The following ARHGEF2 variants were observed in gnomAD, a reference collection of about 807,000 sequenced individuals.
The protein encoded by ARHGEF2 is rho guanine nucleotide exchange factor 2.
A neutral mutation model predicts 121.0 loss-of-function variants in ARHGEF2; 22 were observed. The ratio of observed to expected loss-of-function variants is 0.18; its 90% CI spans 0.13 to 0.26. ARHGEF2 has a LOEUF of 0.26. Among genes scored for constraint, ARHGEF2 ranks in the 10% least tolerant of loss-of-function variants. The pLI is 1.00. For synonymous variants in ARHGEF2, 487 were observed against 530.0 expected (o/e 0.92, Z 1.11); for missense variants, 907 against 1,336.0 (o/e 0.68, Z 5.01).
intron 1 of ARHGEF2, among the ~76,000 whole-genome samples, chr1:155,974,217 T>C (rs1680947432): frequency 6.6e-6 from 1 of 152,116 alleles, no homozygotes; most frequent in Non-Finnish European, 1.5e-5. Flanking sequence ...CTCTCAGGTA[T>C]GTCCAAATCA....
chr1:155,972,689 T>C (rs1680675350), intron 1 of ARHGEF2, among the ~76,000 whole-genome samples: 1 of 151,296 alleles, frequency 6.6e-6, no homozygotes, highest in Admixed American at 6.6e-5. Context: ...CTCTCCAGCA[T>C]CTAGATACTT....
At chr1:155,963,757 G>A (rs1678469924) in intron 7 of ARHGEF2, among the ~76,000 whole-genome samples, 2 of 151,768 alleles carry the variant, frequency 1.3e-5, no homozygotes, top group African/African-American at 2.4e-5. Context: ...CTGCAGCCTC[G>A]AACTTCTGGG....
chr1:155,969,576 C>G, intron 1 of ARHGEF2: 1 of 1,304,084 alleles, frequency 7.7e-7, no homozygotes, highest in Non-Finnish European at 9.8e-7. Flanking sequence ...CACTCATCTC[C>G]CTGGCTCTAG....
rs1394894217 is a variant in ARHGEF2, at chr1:155,950,862, G to A, written c.2670C>T (p.Gly890=). ...GGTTGAAACTCAAGTACAGGGCATC[G>A]CCTGCGGGGAGGCTGCGCCGCCGAG... is the stretch of plus-strand genomic sequence containing the variant. ...VDPRRRSLPA[G]DALYLSFNPP... The change falls in exon 20 of 22, where the codon GGC becomes GGT. Residue 890 remains glycine (G), a synonymous_variant. Coordinates refer to ENST00000361247, the MANE Select transcript of ARHGEF2 (RefSeq NM_001162383.2). This position sits in a 1 kb window ranked among gnomAD's most constrained non-coding sequence, Gnocchi z 5.2. The A allele has an allele frequency of 3.9e-6, 6 of 1,543,300 alleles. No individual in the cohort carries two copies. The highest frequency in any genetic ancestry group is 2.0e-5 in the Admixed American group (1 of 49,260).
intron 4 of ARHGEF2, 52 bp downstream of exon 4, chr1:155,966,361 GAGC>G: frequency 6.4e-7 from 1 of 1,573,460 alleles, no homozygotes. Context: ...CCCATGGGTT[GAGC>G]AGCCTGGGGT....
At position 155,974,821 on chromosome 1, in the gene ARHGEF2, C is replaced by G. The variant is rs546542493; in HGVS notation, c.63+3544G>C. On this transcript the variant is annotated intron_variant, in intron 1 of 21. Coordinates refer to ENST00000361247, the MANE Select transcript of ARHGEF2 (RefSeq NM_001162383.2). ...CTGCCCCCTACGCGGCCACACCTGTCAGGCCAGGAGAGAGAGACAAGCAGA... is the reference window on the plus strand; with the variant it reads ...CTGCCCCCTACGCGGCCACACCTGTGAGGCCAGGAGAGAGAGACAAGCAGA... Among the ~76,000 whole-genome samples the G allele has an allele frequency of 1.3e-4, 20 of 150,238 alleles. No individual in the cohort carries two copies. The East Asian group carries it at 3.3e-3, about 25-fold the overall frequency.
chr1:155,976,985 A>G (rs1343107935), intron 1 of ARHGEF2, among the ~76,000 whole-genome samples: 1 of 152,098 alleles, frequency 6.6e-6, no homozygotes, highest in Non-Finnish European at 1.5e-5. Flanking sequence ...CCCCCAACCC[A>G]GGATGGAACC....
intron 11 of ARHGEF2, among the ~76,000 whole-genome samples, chr1:155,959,509 A>C (rs1269168002): frequency 6.7e-6 from 1 of 149,978 alleles, no homozygotes; most frequent in Non-Finnish European, 1.5e-5. Context: ...TGGCCTGCCG[A>C]AGTGCTGGGA....
chr1:155,970,276 G>C, intron 1 of ARHGEF2: 1 of 985,462 alleles, frequency 1.0e-6, no homozygotes, highest in Non-Finnish European at 1.2e-6. Flanking sequence ...CATCTCTGCT[G>C]TCTCCCATTT....
At chr1:155,979,272 G>A (rs1036514012), upstream of ARHGEF2, 12 of 985,204 alleles carry the variant, frequency 1.2e-5, no homozygotes, top group Non-Finnish European at 1.3e-5. Context: ...CACTTTTACC[G>A]AAGGCCTTCC....
At position 155,951,034 on chromosome 1, in the gene ARHGEF2, C is replaced by T. The variant is rs1271461277; in HGVS notation, c.2498G>A (p.Gly833Asp). 2 of 1,603,202 alleles carry T rather than the reference C, an allele frequency of 1.2e-6. No homozygotes were observed. The highest frequency in any genetic ancestry group is 1.1e-5 in the South Asian group (1 of 90,326). ...CTCCCGGAGCCGGGCCTCCAGGCTG[C>T]CAGCTTCGGTTGCCCGTTCTTCACC... ...RLGEERATEA[G>D]SLEARLRESE... The change falls in exon 20 of 22, where the codon GGC (glycine) becomes GAC (aspartate). Residue 833 changes from glycine (G) to aspartate (D), a missense_variant. Coordinates refer to ENST00000361247, the MANE Select transcript of ARHGEF2 (RefSeq NM_001162383.2). This position sits in a 1 kb window ranked among gnomAD's most constrained non-coding sequence, Gnocchi z 5.1.
At chr1:155,954,770 T>C in intron 14 of ARHGEF2, 132 bp downstream of exon 14, 1 of 837,678 alleles carries the variant, frequency 1.2e-6, no homozygotes, top group Non-Finnish European at 1.8e-6. Context: ...CTTGCTTTTT[T>C]CACTTAATAT....
At position 155,965,728 on chromosome 1, in the gene ARHGEF2, A is replaced by T. The variant is rs768049423; in HGVS notation, c.373T>A (p.Tyr125Asn). Reference sequence around the variant, plus strand: ...GACTGCCGGAAGCTGTCGGAGGGGTAGATGGCCGAGCTTGGCCGCTCCCGG... The same window carrying T: ...GACTGCCGGAAGCTGTCGGAGGGGTTGATGGCCGAGCTTGGCCGCTCCCGG... ...TIRERPSSAIYPSDSFRQSLL... is the reference protein window; with the variant it reads ...TIRERPSSAINPSDSFRQSLL... The change falls in exon 5 of 22, where the codon TAC becomes AAC. Residue 125 changes from tyrosine (Y) to asparagine (N), a missense_variant. Physicochemically the swap from Tyr to Asn is moderately radical, Grantham distance 143. Coordinates refer to ENST00000361247, the MANE Select transcript of ARHGEF2 (RefSeq NM_001162383.2). The surrounding 1 kb of genome is among the most constrained non-coding windows in gnomAD (Gnocchi z 6.0). 6.2e-7 allele frequency: 1 copy of T among 1,602,560 alleles called. No individual in the cohort carries two copies. The highest frequency in any genetic ancestry group is 8.5e-7 in the Non-Finnish European group (1 of 1,177,308).
rs1044241831 is a variant in ARHGEF2, at chr1:155,950,697, C to A, written c.2703+132G>T. ...CTACATTTCTTTTCAGTTCTCCAAC[C>A]AGTATCTCAATATCCTTCAAGTCAG... On this transcript the variant is annotated intron_variant, in intron 20 of 21. Coordinates refer to ENST00000361247, the MANE Select transcript of ARHGEF2 (RefSeq NM_001162383.2). This position sits in a 1 kb window ranked among gnomAD's most constrained non-coding sequence, Gnocchi z 5.2. The A allele has an allele frequency of 9.4e-7, 1 of 1,067,170 alleles. No individual in the cohort carries two copies. The highest frequency in any genetic ancestry group is 1.6e-5 in the African/African-American group (1 of 63,066). The allele number at this position is 1,067,170 out of a possible 1,614,324, so 66.1% of individuals were successfully genotyped here.
upstream of ARHGEF2, chr1:155,978,863 T>C: frequency 1.0e-6 from 1 of 971,194 alleles, no homozygotes; most frequent in Non-Finnish European, 1.2e-6. This position sits in a 1 kb window ranked among gnomAD's most constrained non-coding sequence, Gnocchi z 4.1. Flanking sequence ...TGCCCTCCCC[T>C]TCTTCCCTTC....
intron 21 of ARHGEF2, among the ~76,000 whole-genome samples, chr1:155,949,534 C>G (rs1407914546): frequency 6.6e-6 from 1 of 151,114 alleles, no homozygotes; most frequent in African/African-American, 2.4e-5. Context: ...AAGCGGAGAT[C>G]TCACTACTGT....
chr1:155,968,270 C>T (rs1679831597), intron 2 of ARHGEF2: 2 of 150,804 alleles, frequency 1.3e-5, no homozygotes, highest in African/African-American at 2.4e-5. Flanking sequence ...GCTCCCACAG[C>T]GTAGAAGGGG....
Position 155,947,558 on chromosome 1 carries a change from G to A in ARHGEF2, c.*384C>T. ...TAGGGCAAGAACCCAGCAGCTGCGT[G>A]GATGAGCCTGAATATACCCCAGTAG... On this transcript the variant is annotated 3_prime_UTR_variant, in exon 22 of 22. Coordinates refer to ENST00000361247, the MANE Select transcript of ARHGEF2 (RefSeq NM_001162383.2). 1 of 398,408 alleles carries A rather than the reference G, an allele frequency of 2.5e-6. No homozygotes were observed. Among genetic ancestry groups the A allele is most frequent in the South Asian group, 1.9e-5 (1 of 53,288 alleles). The allele number at this position is 398,408 out of a possible 1,614,324, so 24.7% of individuals were successfully genotyped here. A position where few individuals can be genotyped will look rare whatever the true frequency, so the allele number is the denominator to read the frequency against.
rs913604970 is a variant in ARHGEF2, at chr1:155,969,361, C to T, written c.64-61G>A. ...GGAAAATGCCAGGGTGCCTGGAGTC[C>T]AGAGAGACAGGCTGGGGGCAGAGGC... On this transcript the variant is annotated intron_variant, in intron 1 of 21. Coordinates refer to ENST00000361247, the MANE Select transcript of ARHGEF2 (RefSeq NM_001162383.2). 1.9e-6 allele frequency: 3 copies of T among 1,601,638 alleles called. No individual in the cohort carries two copies. In the African/African-American group the frequency reaches 4.0e-5, roughly 21 times the overall value.
Sources: gnomAD v4.1 joint callset for allele counts (sites outside exome capture counted in the v4.1 genomes callset) on GRCh38, gnomAD v4.1.1 for gene constraint, Gnocchi (gnomAD v3.1) non-coding constraint, MANE v1.5 for transcripts, NCBI Gene and HGNC (gene_info 2026-07-23, HGNC 2026-07-21) for gene names.